The following SHISA2 variants were observed in gnomAD, a reference collection of about 807,000 sequenced individuals.
The protein encoded by SHISA2 is shisa family member 2.
SHISA2 carries 16 observed loss-of-function variants against 23.8 expected under a neutral mutation model. That is an observed-to-expected ratio of 0.67 (90% CI 0.46 to 1.02). The LOEUF is 1.02. SHISA2 is among the 50% of genes least tolerant of loss of function. The pLI, the probability that SHISA2 is intolerant of heterozygous loss-of-function variation, is 0.00. For synonymous variants in SHISA2, 201 were observed against 178.6 expected, an observed-to-expected ratio of 1.13 and a Z score of -1.00; for missense variants, 459 against 420.1, an observed-to-expected ratio of 1.09 and a Z score of -0.81.
Position 26,046,266 on chromosome 13 carries a change from A to G in SHISA2, c.*247T>C, listed in dbSNP as rs1473385077. 2 of 487,398 alleles carry G rather than the reference A, an allele frequency of 4.1e-6. No individual in the cohort carries two copies. The highest frequency in any genetic ancestry group is 3.8e-5 in the African/African-American group (2 of 52,218). The allele number at this position is 487,398 out of a possible 1,614,324, so 30.2% of individuals were successfully genotyped here. On this transcript the variant is annotated 3_prime_UTR_variant, in exon 2 of 2. Coordinates refer to ENST00000319420, the MANE Select transcript of SHISA2 (RefSeq NM_001007538.2). ...GGCACTTCGGACTCAAGCATTTGTT[A>G]TACACCCATCAGCAACATCACAGTC...
chr13:26,050,848 T>C lies in SHISA2; in HGVS notation c.128A>G (p.Asp43Gly). 2 of 1,530,816 alleles carry C rather than the reference T, an allele frequency of 1.3e-6. No homozygotes were observed. The highest frequency in any genetic ancestry group is 1.7e-6 in the Non-Finnish European group (2 of 1,147,892). The allele number at this position is 1,530,816 out of a possible 1,614,324, so 94.8% of individuals were successfully genotyped here. Residue 43 changes from aspartate to glycine, a missense_variant, in exon 1 of 2, where the codon GAC (aspartate) becomes GGC (glycine). Asp to Gly is a moderately conservative substitution (Grantham distance 94). Coordinates refer to ENST00000319420, the MANE Select transcript of SHISA2 (RefSeq NM_001007538.2). ...ASGEYCHGWL[D>G]AQGVWRIGFQ... ...GCCGATGCGCCAGACGCCCTGCGCG[T>C]CCAGCCAGCCGTGGCAGTACTCGCC...
chr13:26,050,835 G>A lies in SHISA2; in HGVS notation c.141C>T (p.Val47=), dbSNP rs1451285835. Residue 47 remains valine (V), a synonymous_variant, in exon 1 of 2, where the codon GTC becomes GTT. Coordinates refer to ENST00000319420, the MANE Select transcript of SHISA2 (RefSeq NM_001007538.2). The part of the protein sequence containing the change: ...YCHGWLDAQG[V]WRIGFQCPER... Reference sequence around the variant, plus strand: ...CGGGACACTGGAAGCCGATGCGCCAGACGCCCTGCGCGTCCAGCCAGCCGT... The same window carrying A: ...CGGGACACTGGAAGCCGATGCGCCAAACGCCCTGCGCGTCCAGCCAGCCGT... 12 of 1,534,520 alleles carry A rather than the reference G, an allele frequency of 7.8e-6. No homozygotes were observed. In the South Asian group the frequency reaches 1.4e-4, roughly 18 times the overall value.
chr13:26,050,138 G>T (rs1322774197), intron 1 of SHISA2, among the ~76,000 whole-genome samples: 1 of 152,242 alleles, frequency 6.6e-6, no homozygotes, highest in Non-Finnish European at 1.5e-5. Flanking sequence ...CGCTGCAGGG[G>T]AGAGGGGCCG....
At position 26,044,906 on chromosome 13, in the gene SHISA2, T is replaced by C. The variant is rs1169648010; in HGVS notation, c.*1607A>G. On this transcript the variant is annotated 3_prime_UTR_variant, in exon 2 of 2. Coordinates refer to ENST00000319420, the MANE Select transcript of SHISA2 (RefSeq NM_001007538.2). ...AATAAATTCACTTGAATTTGATAAT[T>C]TGGAACATTGGCAATGAATACAGTG... 6.6e-6 allele frequency: 1 copy of C among 152,178 alleles called. No homozygotes were observed. Among genetic ancestry groups the C allele is most frequent in the African/African-American group, 2.4e-5 (1 of 41,446 alleles). The allele number at this position is 152,178 out of a possible 1,614,324, so 9.4% of individuals were successfully genotyped here.
intron 1 of SHISA2, 113 bp downstream of exon 1, chr13:26,050,529 C>T: frequency 4.6e-6 from 5 of 1,095,006 alleles, no homozygotes; most frequent in Non-Finnish European, 6.1e-6. Context: ...AGGCAGACTC[C>T]GCCTCCTGGT....
In SHISA2 at chr13:26,045,614, T is replaced by C. The variant is rs1230525706; in HGVS notation, c.*899A>G. ...CTACATAAGGTAAAAAAGCACAAAA[T>C]AGGCCCCCAAAAGCACAAAAATAGA... On this transcript the variant is annotated 3_prime_UTR_variant, in exon 2 of 2. Coordinates refer to ENST00000319420, the MANE Select transcript of SHISA2 (RefSeq NM_001007538.2). 2.0e-5 allele frequency: 3 copies of C among 152,108 alleles called. No homozygotes were observed. Among genetic ancestry groups the C allele is most frequent in the South Asian group, 2.1e-4 (1 of 4,826 alleles). 9.4% of individuals were successfully genotyped at this position (152,108 alleles called of 1,614,324 possible). A position where few individuals can be genotyped will look rare whatever the true frequency, so the allele number is the denominator to read the frequency against.
rs373001231 is a variant in SHISA2, at chr13:26,048,024, G to A, written c.335-958C>T. Among the ~76,000 whole-genome samples the A allele has an allele frequency of 3.0e-4, 46 of 152,256 alleles. No individual in the cohort carries two copies. In the South Asian group the frequency reaches 6.9e-3, roughly 23 times the overall value. On this transcript the variant is annotated intron_variant, in intron 1 of 1. Transcript: ENST00000319420. ...CTCCATTTTAAAATTAGTTTCTGGC[G>A]GGGCACGGTGGCTCACGCCTGTAAT... is the stretch of plus-strand genomic sequence containing the variant.
At chr13:26,050,217 C>A (rs895326198) in intron 1 of SHISA2, among the ~76,000 whole-genome samples, 1 of 152,152 alleles carries the variant, frequency 6.6e-6, no homozygotes, top group Non-Finnish European at 1.5e-5. Flanking sequence ...CCCTGAGGAG[C>A]TGCCTTCCTT....
chr13:26,050,302 C>T (rs573800406), intron 1 of SHISA2, among the ~76,000 whole-genome samples: 1 of 152,318 alleles, frequency 6.6e-6, no homozygotes, highest in East Asian at 1.9e-4. Context: ...TCCTTGGGTA[C>T]CCCTAAGACA....
In SHISA2 at chr13:26,046,568, G is replaced by A. The variant is rs779996441; in HGVS notation, c.833C>T (p.Ser278Phe). The part of the protein sequence containing the change: ...GLQPGYRQIQ[S>F]PFPHTNSEQK... ...TTCACTGTTGGTGTGAGGGAAGGGG[G>A]ACTGAATCTGCCTGTAGCCAGGCTG... Residue 278 changes from serine (S) to phenylalanine (F), a missense_variant, in exon 2 of 2, where the codon TCC becomes TTC. By Grantham distance (155) the Ser-to-Phe change is radical. Transcript: ENST00000319420. The A allele has an allele frequency of 1.9e-6, 3 of 1,613,956 alleles. No homozygotes were observed. Among genetic ancestry groups the A allele is most frequent in the Non-Finnish European group, 1.7e-6 (2 of 1,179,986 alleles).
Position 26,050,743 on chromosome 13 carries a change from C to T in SHISA2, c.233G>A (p.Ser78Asn). 3 of 1,504,506 alleles carry T rather than the reference C, an allele frequency of 2.0e-6. No homozygotes were observed. Among genetic ancestry groups the T allele is most frequent in the Non-Finnish European group, 2.6e-6 (3 of 1,134,654 alleles). The allele number at this position is 1,504,506 out of a possible 1,614,324, so 93.2% of individuals were successfully genotyped here. A position where few individuals can be genotyped will look rare whatever the true frequency, so the allele number is the denominator to read the frequency against. Residue 78 changes from serine (S) to asparagine (N), a missense_variant, in exon 1 of 2, where the codon AGC (serine) becomes AAC (asparagine). Physicochemically the swap from Ser to Asn is conservative, Grantham distance 46 (BLOSUM62 1). Transcript: ENST00000319420. ...GCCCTGGTCCAGGCGCGCCTCGGCG[C>T]TGGAGCAGCAGTAGCGCAACGCGCA... ...GSCALRYCCS[S>N]AEARLDQGGC...
Position 26,047,447 on chromosome 13 carries a change from A to G in SHISA2, c.335-381T>C, listed in dbSNP as rs74582770. On this transcript the variant is annotated intron_variant, in intron 1 of 1. Coordinates refer to ENST00000319420, the MANE Select transcript of SHISA2 (RefSeq NM_001007538.2). ...TGTCCAAACTTAAGTCTGCCCGACC[A>G]TATTGTTGTAGGATCTTCATAGTAA... Among the ~76,000 whole-genome samples, 525 of 152,362 alleles carry G rather than the reference A, an allele frequency of 3.4e-3. 2 individuals are homozygous for G. Among genetic ancestry groups the G allele is most frequent in the African/African-American group, 0.012 (504 of 41,592 alleles).
At position 26,046,803 on chromosome 13, in the gene SHISA2, T is replaced by C. The variant is rs1957271426; in HGVS notation, c.598A>G (p.Thr200Ala). ...SANSGARAPP[T>A]RSQTNCCLPE... ...AAGCAACAGTTGGTCTGTGACCTTGTTGGGGGCGCCCGGGCCCCTGAGTTG... is the reference window on the plus strand; with the variant it reads ...AAGCAACAGTTGGTCTGTGACCTTGCTGGGGGCGCCCGGGCCCCTGAGTTG... The change falls in exon 2 of 2, where the codon ACA becomes GCA. Residue 200 changes from threonine to alanine, a missense_variant. Thr to Ala is a moderately conservative substitution (Grantham distance 58). Coordinates refer to ENST00000319420, the MANE Select transcript of SHISA2 (RefSeq NM_001007538.2). 2.5e-6 allele frequency: 4 copies of C among 1,614,090 alleles called. No individual in the cohort carries two copies. Among genetic ancestry groups the C allele is most frequent in the South Asian group, 2.2e-5 (2 of 91,084 alleles).
chr13:26,046,603 C>T lies in SHISA2; in HGVS notation c.798G>A (p.Met266Ile). The change falls in exon 2 of 2, where the codon ATG becomes ATA. Residue 266 changes from methionine to isoleucine, a missense_variant. Transcript: ENST00000319420. ...SVPMTAVPPF[M>I]DGLQPGYRQI... ...GCCTGTAGCCAGGCTGCAGGCCGTC[C>T]ATGAAAGGTGGCACAGCTGTCATGG... 6.2e-7 allele frequency: 1 copy of T among 1,614,154 alleles called. No individual in the cohort carries two copies. Among genetic ancestry groups the T allele is most frequent in the South Asian group, 1.1e-5 (1 of 91,076 alleles).
chr13:26,049,904 A>G (rs1957289948), intron 1 of SHISA2, among the ~76,000 whole-genome samples: 1 of 150,920 alleles, frequency 6.6e-6, no homozygotes, highest in African/African-American at 2.4e-5. Flanking sequence ...ACACACACGG[A>G]GTGACTGGTG....
At chr13:26,050,521 G>T in intron 1 of SHISA2, 121 bp downstream of exon 1, 3 of 1,028,978 alleles carry the variant, frequency 2.9e-6, no homozygotes, top group Non-Finnish European at 3.9e-6. Context: ...AAGCCAGAAG[G>T]CAGACTCCGC....
chr13:26,050,863 C>A lies in SHISA2; in HGVS notation c.113G>T (p.Cys38Phe). Reference sequence around the variant, plus strand: ...GCCCTGCGCGTCCAGCCAGCCGTGGCAGTACTCGCCGCTGGCCCTCGCCCC... The same window carrying A: ...GCCCTGCGCGTCCAGCCAGCCGTGGAAGTACTCGCCGCTGGCCCTCGCCCC... ...AAGARASGEY[C>F]HGWLDAQGVW... Residue 38 changes from cysteine to phenylalanine, a missense_variant, in exon 1 of 2, where the codon TGC becomes TTC. Cys to Phe is a radical substitution (Grantham distance 205). Coordinates refer to ENST00000319420, the MANE Select transcript of SHISA2 (RefSeq NM_001007538.2). 3 of 1,526,414 alleles carry A rather than the reference C, an allele frequency of 2.0e-6. No individual in the cohort carries two copies. Among genetic ancestry groups the A allele is most frequent in the Non-Finnish European group, 2.6e-6 (3 of 1,145,022 alleles). 94.6% of individuals were successfully genotyped at this position (1,526,414 alleles called of 1,614,324 possible). A position where few individuals can be genotyped will look rare whatever the true frequency, so the allele number is the denominator to read the frequency against.
At position 26,046,805 on chromosome 13, in the gene SHISA2, G is replaced by T; in HGVS notation, c.596C>A (p.Pro199Gln). Residue 199 changes from proline to glutamine, a missense_variant, in exon 2 of 2, where the codon CCA becomes CAA. Physicochemically the swap from Pro to Gln is moderately conservative, Grantham distance 76. Transcript: ENST00000319420. Reference protein sequence around the residue: ...SSANSGARAPPTRSQTNCCLP... With the variant: ...SSANSGARAPQTRSQTNCCLP... The stretch of plus-strand genomic sequence containing the variant: ...GCAACAGTTGGTCTGTGACCTTGTT[G>T]GGGGCGCCCGGGCCCCTGAGTTGGC... 6.2e-7 allele frequency: 1 copy of T among 1,614,166 alleles called. No homozygotes were observed. Among genetic ancestry groups the T allele is most frequent in the Non-Finnish European group, 8.5e-7 (1 of 1,180,026 alleles).
chr13:26,048,695 A>T (rs1237349207), intron 1 of SHISA2, among the ~76,000 whole-genome samples: 2 of 152,196 alleles, frequency 1.3e-5, no homozygotes, highest in African/African-American at 4.8e-5. Context: ...CTTTCTAATT[A>T]TGCTCCTTTT....
Sources: gnomAD v4.1 joint callset for allele counts (sites outside exome capture counted in the v4.1 genomes callset) on GRCh38, gnomAD v4.1.1 for gene constraint, MANE v1.5 for transcripts, NCBI Gene and HGNC (gene_info 2026-07-23, HGNC 2026-07-21) for gene names.